AMD1: variants seen among roughly 807,000 people sequenced by gnomAD.
The protein encoded by AMD1 is S-adenosylmethionine decarboxylase proenzyme.
In AMD1, 11 loss-of-function variants were observed where a neutral mutation model predicts 40.2. That is an observed-to-expected ratio of 0.27 (90% CI 0.17 to 0.45). AMD1 has a LOEUF of 0.45. Ranked by LOEUF, AMD1 falls within the 20% of genes least tolerant of loss-of-function variation. The pLI is 1.00. For synonymous variants in AMD1, 121 were observed against 130.8 expected, an observed-to-expected ratio of 0.93 and a Z score of 0.51; for missense variants, 257 against 410.2, an observed-to-expected ratio of 0.63 and a Z score of 3.23.
the AMD1 span, among the ~76,000 whole-genome samples, chr6:110,819,665 G>A: frequency 6.6e-6 from 1 of 152,192 alleles, no homozygotes; most frequent in Admixed American, 6.5e-5. Flanking sequence ...TAACTGTCAG[G>A]CATTTGAACC....
chr6:110,836,241 A>T, the AMD1 span, among the ~76,000 whole-genome samples: 9 of 152,150 alleles, frequency 5.9e-5, no homozygotes, highest in African/African-American at 2.2e-4. Context: ...ATGAACAACA[A>T]CAAAAAATCA....
In AMD1 at chr6:110,894,676, A is replaced by G. The variant is rs1337169085; in HGVS notation, c.*1060A>G. 1.3e-5 allele frequency: 2 copies of G among 152,186 alleles called. No individual in the cohort carries two copies. The highest frequency in any genetic ancestry group is 2.9e-5 in the Non-Finnish European group (2 of 68,026). 9.4% of individuals were successfully genotyped at this position (152,186 alleles called of 1,614,324 possible). On this transcript the variant is annotated 3_prime_UTR_variant, in exon 9 of 9. Coordinates refer to ENST00000368885, the MANE Select transcript of AMD1 (RefSeq NM_001634.6). ...TAAATCAAGTCAGCTTGGATCATTCACCTTAACTTTTCCTTTAGCAGCCAT... is the reference window on the plus strand; with the variant it reads ...TAAATCAAGTCAGCTTGGATCATTCGCCTTAACTTTTCCTTTAGCAGCCAT...
chr6:110,862,151 G>A, the AMD1 span, among the ~76,000 whole-genome samples: 311 of 150,724 alleles, frequency 2.1e-3, 3 homozygotes, highest in African/African-American at 7.3e-3. Flanking sequence ...TGAGACTACA[G>A]GCAGGTGCCA....
chr6:110,848,484 A>C, the AMD1 span: 1 of 203,902 alleles, frequency 4.9e-6, no homozygotes, highest in Non-Finnish European at 1.0e-5. Context: ...ATGCCACTGC[A>C]CTCCAGCTTG....
At chr6:110,880,409 G>C (rs556988726) in intron 1 of AMD1, among the ~76,000 whole-genome samples, 1 of 152,202 alleles carries the variant, frequency 6.6e-6, no homozygotes, top group Non-Finnish European at 1.5e-5. Flanking sequence ...TGATTTTATT[G>C]TATGTCATAT....
At chr6:110,874,359 T>C (rs1784980723), upstream of AMD1, among the ~76,000 whole-genome samples, 1 of 152,154 alleles carries the variant, frequency 6.6e-6, no homozygotes, top group African/African-American at 2.4e-5. Context: ...CGCGGTGAAC[T>C]GCACAAGATC....
chr6:110,850,673 G>A, the AMD1 span, among the ~76,000 whole-genome samples: 1 of 152,172 alleles, frequency 6.6e-6, no homozygotes, highest in African/African-American at 2.4e-5. Flanking sequence ...AGTGTTAAAG[G>A]AATACGCAAT....
At chr6:110,880,769 T>C (rs1003206454) in intron 1 of AMD1, among the ~76,000 whole-genome samples, 2 of 152,028 alleles carry the variant, frequency 1.3e-5, no homozygotes, top group African/African-American at 4.8e-5. Flanking sequence ...GCCTCCTGGG[T>C]TCAAGTGATT....
At chr6:110,844,597 C>G in the AMD1 span, among the ~76,000 whole-genome samples, 1 of 151,552 alleles carries the variant, frequency 6.6e-6, no homozygotes, top group Non-Finnish European at 1.5e-5. Context: ...GTGGCTAACA[C>G]GGTGAAACCC....
chr6:110,815,722 G>T, the AMD1 span: 1 of 152,614 alleles, frequency 6.6e-6, no homozygotes, highest in Non-Finnish European at 1.5e-5. Flanking sequence ...GGAGACACTG[G>T]AAAGAAGTGC....
chr6:110,878,191 C>T (rs747886904), intron 1 of AMD1, among the ~76,000 whole-genome samples: 4 of 152,118 alleles, frequency 2.6e-5, no homozygotes, highest in Non-Finnish European at 5.9e-5. Flanking sequence ...ACATACTTCC[C>T]TCGGTTTTCT....
At chr6:110,856,066 CAAGACCTTGTCTCA>C in the AMD1 span, among the ~76,000 whole-genome samples, 7 of 152,100 alleles carry the variant, frequency 4.6e-5, no homozygotes, top group Non-Finnish European at 8.8e-5. Context: ...GGCAACAGAG[CAAGACCTTGTCTCA>C]AAAAATAAAT....
In AMD1 at chr6:110,876,308, A is replaced by C. The variant is rs1263518865; in HGVS notation, c.110+1093A>C. On this transcript the variant is annotated intron_variant, in intron 1 of 8. Coordinates refer to ENST00000368885, the MANE Select transcript of AMD1 (RefSeq NM_001634.6). Reference sequence around the variant, plus strand: ...CACCGGATCCCTGGCTCCTCTGCGCACGAGTGCGGCTAGGGTGGCGGTGCA... The same window carrying C: ...CACCGGATCCCTGGCTCCTCTGCGCCCGAGTGCGGCTAGGGTGGCGGTGCA... Among the ~76,000 whole-genome samples the C allele has an allele frequency of 5.3e-5, 8 of 152,202 alleles. No homozygotes were observed. The South Asian group carries it at 1.2e-3, about 24-fold the overall frequency.
the AMD1 span, among the ~76,000 whole-genome samples, chr6:110,819,744 G>A: frequency 6.6e-6 from 1 of 152,174 alleles, no homozygotes; most frequent in Non-Finnish European, 1.5e-5. Context: ...CAGGAAGCTA[G>A]GTGTTTTTAG....
At chr6:110,830,384 G>A in the AMD1 span, among the ~76,000 whole-genome samples, 72 of 152,146 alleles carry the variant, frequency 4.7e-4, no homozygotes, top group African/African-American at 1.7e-3. Context: ...CACTCAGGTC[G>A]GAGGCAGGAC....
chr6:110,873,265 A>G (rs2665359), upstream of AMD1, among the ~76,000 whole-genome samples: 131,584 of 152,118 alleles, frequency 0.87, 57,059 homozygotes, highest in Middle Eastern at 0.95. Flanking sequence ...TCGGGAGGCT[A>G]AGGCAGGAGA....
At chr6:110,854,861 G>A in the AMD1 span, among the ~76,000 whole-genome samples, 1 of 152,078 alleles carries the variant, frequency 6.6e-6, no homozygotes, top group African/African-American at 2.4e-5. Context: ...GAAGGATCCT[G>A]ATTTTTTGCT....
At chr6:110,880,603 T>C (rs1292429172) in intron 1 of AMD1, among the ~76,000 whole-genome samples, 1 of 152,212 alleles carries the variant, frequency 6.6e-6, no homozygotes, top group Non-Finnish European at 1.5e-5. Flanking sequence ...CCAGCACTAT[T>C]TGTGGAAGCG....
At chr6:110,880,623 C>T (rs1785353864) in intron 1 of AMD1, among the ~76,000 whole-genome samples, 1 of 150,720 alleles carries the variant, frequency 6.6e-6, no homozygotes, top group Admixed American at 6.7e-5. Context: ...GATGTTTTTC[C>T]CTGTTATGTA....
Sources: allele counts gnomAD v4.1 joint callset (sites outside exome capture counted in the v4.1 genomes callset), GRCh38; gene constraint gnomAD v4.1.1; transcripts MANE v1.5; gene names NCBI Gene and HGNC (gene_info 2026-07-23, HGNC 2026-07-21).